VWC2L: variants seen among roughly 807,000 people sequenced by gnomAD.
VWC2L encodes the protein von Willebrand factor C domain-containing protein 2-like.
Under a neutral mutation model 21.6 loss-of-function variants are expected in VWC2L, and 10 were observed. That is an observed-to-expected ratio of 0.46 (90% CI 0.29 to 0.78). VWC2L has a LOEUF of 0.78. Among genes scored for constraint, VWC2L ranks in the 30% least tolerant of loss-of-function variants. VWC2L has a pLI of 0.10. For missense variants in VWC2L, 209 were observed against 277.1 expected (o/e 0.75, Z 1.74); for synonymous variants, 96 against 94.3 (o/e 1.02, Z -0.10).
chr2:214,537,599 T>C (rs994577706), intron 3 of VWC2L, among the ~76,000 whole-genome samples: 1 of 151,860 alleles, frequency 6.6e-6, no homozygotes, highest in African/African-American at 2.4e-5. Flanking sequence ...GGGTACAAAG[T>C]TAAAGTTAGA....
intron 3 of VWC2L, among the ~76,000 whole-genome samples, chr2:214,543,554 G>A (rs1689660253): frequency 6.6e-6 from 1 of 151,712 alleles, no homozygotes; most frequent in African/African-American, 2.4e-5. Flanking sequence ...TTTACCTAGA[G>A]CACATTCCAG....
intron 2 of VWC2L, among the ~76,000 whole-genome samples, chr2:214,416,029 A>G (rs753549717): frequency 1.3e-5 from 2 of 152,116 alleles, no homozygotes; most frequent in Non-Finnish European, 2.9e-5. Flanking sequence ...AGTAAGTAGA[A>G]GTACTCAACA....
intron 3 of VWC2L, among the ~76,000 whole-genome samples, chr2:214,469,405 C>T (rs577993595): frequency 6.6e-6 from 1 of 152,244 alleles, no homozygotes; most frequent in African/African-American, 2.4e-5. Flanking sequence ...CCAGACCATC[C>T]TGGCTAACAT....
chr2:214,537,839 C>A (rs1689559902), intron 3 of VWC2L, among the ~76,000 whole-genome samples: 1 of 151,034 alleles, frequency 6.6e-6, no homozygotes, highest in African/African-American at 2.4e-5. Flanking sequence ...ACCCATTAAG[C>A]CAATCCATAA....
intron 3 of VWC2L, among the ~76,000 whole-genome samples, chr2:214,546,710 C>T (rs1221291243): frequency 6.6e-6 from 1 of 151,986 alleles, no homozygotes. Flanking sequence ...CCCTGAACCT[C>T]TAGTTTTTAT....
intron 3 of VWC2L, among the ~76,000 whole-genome samples, chr2:214,464,588 G>A (rs552618488): frequency 1.3e-5 from 2 of 152,212 alleles, no homozygotes; most frequent in East Asian, 1.9e-4. Flanking sequence ...GGTCAGATAT[G>A]AAGCCAACAC....
At position 214,577,004 on chromosome 2, in the gene VWC2L, C is replaced by T. The variant is rs913637480; in HGVS notation, c.*1184C>T. The T allele has an allele frequency of 6.6e-6, 1 of 152,032 alleles. No homozygotes were observed. The highest frequency in any genetic ancestry group is 6.6e-5 in the Admixed American group (1 of 15,262). The allele number at this position is 152,032 out of a possible 1,614,324, so 9.4% of individuals were successfully genotyped here. On this transcript the variant is annotated 3_prime_UTR_variant, in exon 4 of 4. Transcript: ENST00000312504. Reference sequence around the variant, plus strand: ...TAGATACTGAAAAATTAAAGTGAACCTTTGAAGAGTCTCTAGGTTGCCCTG... The same window carrying T: ...TAGATACTGAAAAATTAAAGTGAACTTTTGAAGAGTCTCTAGGTTGCCCTG...
intron 3 of VWC2L, among the ~76,000 whole-genome samples, chr2:214,487,574 CATTCAAGAGGG>C (rs1444336226): frequency 4.6e-5 from 7 of 152,156 alleles, no homozygotes; most frequent in African/African-American, 7.2e-5. Flanking sequence ...TCAGGTAAGG[CATTCAAGAGGG>C]ATTTGCACCT....
At chr2:214,474,557 C>T (rs1272457980) in intron 3 of VWC2L, among the ~76,000 whole-genome samples, 2 of 152,014 alleles carry the variant, frequency 1.3e-5, no homozygotes, top group Non-Finnish European at 1.5e-5. Context: ...TGCATAAGTA[C>T]GCCTTTCATT....
At chr2:214,522,344 C>A (rs948230836) in intron 3 of VWC2L, among the ~76,000 whole-genome samples, 1 of 135,842 alleles carries the variant, frequency 7.4e-6, no homozygotes, top group African/African-American at 2.8e-5. Flanking sequence ...CACTGCACTC[C>A]AGGCTGGGGG....
intron 3 of VWC2L, among the ~76,000 whole-genome samples, chr2:214,523,643 AG>A (rs1174462009): frequency 1.3e-5 from 2 of 152,302 alleles, no homozygotes; most frequent in East Asian, 3.9e-4. Context: ...ATTTGAGACC[AG>A]CCTGGCCAAC....
At chr2:214,555,211 G>A (rs999837610) in intron 3 of VWC2L, among the ~76,000 whole-genome samples, 15 of 152,142 alleles carry the variant, frequency 9.9e-5, no homozygotes, top group African/African-American at 3.6e-4. Context: ...TGACCTGGAA[G>A]ACCCTTCTCT....
chr2:214,553,128 T>C (rs1689820109), intron 3 of VWC2L, among the ~76,000 whole-genome samples: 2 of 152,176 alleles, frequency 1.3e-5, no homozygotes, highest in Non-Finnish European at 2.9e-5. Context: ...CCCCATCCCT[T>C]TCCAAAAGCA....
At chr2:214,452,241 A>AACCTCCTGGGCTCAGATGATCCTCC (rs1702967218) in intron 3 of VWC2L, among the ~76,000 whole-genome samples, 1 of 152,034 alleles carries the variant, frequency 6.6e-6, no homozygotes, top group Non-Finnish European at 1.5e-5. Flanking sequence ...CTGCAGCCTC[A>AACCTCCTGGGCTCAGATGATCCTCC]ACCTCCTGGG....
rs1327180400 is a variant in VWC2L, at chr2:214,559,578, A to G, written c.521-16094A>G. ...AATCCCCTTAGTATATGAACTCTTT[A>G]TTTTTCACAAATTTAATCCCATTCT... is the stretch of plus-strand genomic sequence containing the variant. On this transcript the variant is annotated intron_variant, in intron 3 of 3. Transcript: ENST00000312504. Among the ~76,000 whole-genome samples the G allele has an allele frequency of 2.7e-5, 4 of 149,484 alleles. No individual in the cohort carries two copies. The East Asian group carries it at 7.8e-4, about 29-fold the overall frequency.
chr2:214,420,375 C>A (rs985762630), intron 2 of VWC2L, among the ~76,000 whole-genome samples: 1 of 151,992 alleles, frequency 6.6e-6, no homozygotes, highest in African/African-American at 2.4e-5. Flanking sequence ...GAGGACCAGA[C>A]TTATGAAAGA....
chr2:214,552,980 A>C (rs1689817777), intron 3 of VWC2L, among the ~76,000 whole-genome samples: 1 of 152,208 alleles, frequency 6.6e-6, no homozygotes, highest in Non-Finnish European at 1.5e-5. Context: ...CATAAGCAAG[A>C]AACATGGGCA....
chr2:214,572,355 C>T (rs1359356274), intron 3 of VWC2L, among the ~76,000 whole-genome samples: 2 of 152,120 alleles, frequency 1.3e-5, no homozygotes, highest in South Asian at 2.1e-4. Flanking sequence ...ATTCCAATCC[C>T]CTTAACCTTT....
At chr2:214,572,756 C>T (rs1172923153) in intron 3 of VWC2L, among the ~76,000 whole-genome samples, 6 of 152,138 alleles carry the variant, frequency 3.9e-5, no homozygotes, top group African/African-American at 1.4e-4. Flanking sequence ...TCTGTAGTTA[C>T]ACCTAAGGTT....
Sources: allele counts gnomAD v4.1 joint callset (sites outside exome capture counted in the v4.1 genomes callset), GRCh38; gene constraint gnomAD v4.1.1; transcripts MANE v1.5; gene names NCBI Gene and HGNC (gene_info 2026-07-23, HGNC 2026-07-21).